ZFP64: variants seen among roughly 807,000 people sequenced by gnomAD.
The protein encoded by ZFP64 is ZFP64 zinc finger protein, also known as zinc finger protein 64.
In ZFP64, 14 loss-of-function variants were observed where a neutral mutation model predicts 51.6. The observed-to-expected ratio is 0.27, with a 90% confidence interval of 0.18 to 0.42. ZFP64 has a LOEUF of 0.42. Ranked by LOEUF, ZFP64 falls within the 10% of genes least tolerant of loss-of-function variation. The probability of loss-of-function intolerance (pLI) is 1.00; values close to 1 mark genes in which losing one functional copy is unlikely to be tolerated. For synonymous variants in ZFP64, 375 were observed against 361.4 expected, an observed-to-expected ratio of 1.04 and a Z score of -0.43; for missense variants, 754 against 906.8, an observed-to-expected ratio of 0.83 and a Z score of 2.16.
At chr20:52,123,752 CT>C (rs1979308664) in intron 5 of ZFP64, among the ~76,000 whole-genome samples, 1 of 151,720 alleles carries the variant, frequency 6.6e-6, no homozygotes, top group African/African-American at 2.4e-5. Context: ...TTCAAAGTTG[CT>C]TTAAGAATGA....
chr20:52,091,300 C>T (rs2078924185), intron 7 of ZFP64, among the ~76,000 whole-genome samples: 1 of 152,068 alleles, frequency 6.6e-6, no homozygotes, highest in Non-Finnish European at 1.5e-5. Flanking sequence ...AAGGTTGAGA[C>T]CAGCCTGGGC....
Position 52,085,384 on chromosome 20 carries a change from C to G in ZFP64, c.1229-118G>C. 1 of 1,071,796 alleles carries G rather than the reference C, an allele frequency of 9.3e-7. No homozygotes were observed. The highest frequency in any genetic ancestry group is 1.3e-6 in the Non-Finnish European group (1 of 756,780). The allele number at this position is 1,071,796 out of a possible 1,614,324, so 66.4% of individuals were successfully genotyped here. A position where few individuals can be genotyped will look rare whatever the true frequency, so the allele number is the denominator to read the frequency against. On this transcript the variant is annotated intron_variant, in intron 8 of 8. Transcript: ENST00000361387. The surrounding 1 kb of genome is among the most constrained non-coding windows in gnomAD (Gnocchi z 4.3). ...GGTTGGGTTTTGTGAACTCTAAACC[C>G]AACCTCCTAATGACAACACTTGTTG...
intron 5 of ZFP64, among the ~76,000 whole-genome samples, chr20:52,156,243 C>G (rs6013401): frequency 1.3e-5 from 2 of 152,132 alleles, no homozygotes; most frequent in African/African-American, 4.8e-5. Flanking sequence ...TCCTTTAGCA[C>G]GGCCTCTGCC....
intron 2 of ZFP64, among the ~76,000 whole-genome samples, chr20:52,167,953 T>C (rs1982419004): frequency 6.6e-6 from 1 of 152,226 alleles, no homozygotes; most frequent in South Asian, 2.1e-4. Context: ...GATTGTAAAA[T>C]GTGTCATAAT....
At chr20:52,088,521 C>G in exon 8 of ZFP64, 1 of 1,614,188 alleles carries the variant, frequency 6.2e-7, no homozygotes, top group Non-Finnish European at 8.5e-7. Flanking sequence ...CTGTCCACGG[C>G]AGCGTAGTCA....
Position 52,187,011 on chromosome 20 carries a change from C to A in ZFP64, c.107G>T (p.Cys36Phe). ...LTPDIHICGI[C>F]KQQFNNLDAF... ...ATCCAGGTTGTTAAACTGCTGCTTG[C>A]AGATGCCGCAGATATGGATGTCGGG... The change falls in exon 2 of 6, where the codon TGC (cysteine) becomes TTC (phenylalanine). Residue 36 changes from cysteine (C) to phenylalanine (F), a missense_variant. Coordinates refer to ENST00000216923, the MANE Select transcript of ZFP64 (RefSeq NM_018197.3). 6.2e-7 allele frequency: 1 copy of A among 1,613,698 alleles called. No individual in the cohort carries two copies. The highest frequency in any genetic ancestry group is 8.5e-7 in the Non-Finnish European group (1 of 1,179,620).
At chr20:52,115,801 CTCTG>C (rs1156824183) in intron 5 of ZFP64, among the ~76,000 whole-genome samples, 67 of 141,380 alleles carry the variant, frequency 4.7e-4, no homozygotes, top group Non-Finnish European at 6.3e-4. Flanking sequence ...CTCTCTCTCT[CTCTG>C]TGTGTGTGAA....
exon 8 of ZFP64, chr20:52,088,513 G>A: frequency 6.2e-7 from 1 of 1,614,182 alleles, no homozygotes. Flanking sequence ...GGCTACTGCT[G>A]TCCACGGCAG....
intron 5 of ZFP64, among the ~76,000 whole-genome samples, chr20:52,140,230 C>G (rs1341880820): frequency 6.6e-6 from 1 of 152,198 alleles, no homozygotes; most frequent in African/African-American, 2.4e-5. Context: ...CTACAATGGC[C>G]TCTAAGTGTT....
intron 7 of ZFP64, chr20:52,088,950 A>G (rs1271912191): frequency 1.8e-6 from 1 of 563,546 alleles, no homozygotes; most frequent in Non-Finnish European, 3.5e-6. Flanking sequence ...TGGCAGCTGT[A>G]GGGATCTTGG....
chr20:52,170,614 T>C (rs530293153), intron 2 of ZFP64, among the ~76,000 whole-genome samples: 1 of 152,354 alleles, frequency 6.6e-6, no homozygotes, highest in East Asian at 1.9e-4. Flanking sequence ...TCTTACCTCC[T>C]TGGTCCTCAG....
Position 52,144,024 on chromosome 20 carries a change from C to T in ZFP64, c.763+16099G>A, listed in dbSNP as rs184362983. ...ATTCCTGATTGCCTATGTAATCATG[C>T]ATTTGTTAATCCTCCTTTGAGCCTG... On this transcript the variant is annotated intron_variant, in intron 5 of 8. Coordinates refer to the ZFP64 transcript ENST00000361387. Among the ~76,000 whole-genome samples the T allele has an allele frequency of 2.0e-3, 289 of 143,260 alleles. 25 individuals carry two copies. The highest frequency in any genetic ancestry group is 6.7e-3 in the African/African-American group (268 of 40,142). The allele number at this position is 143,260 out of a possible 152,430, so 94.0% of individuals were successfully genotyped here.
chr20:52,097,183 C>T, intron 7 of ZFP64: 1 of 806,728 alleles, frequency 1.2e-6, no homozygotes, highest in Non-Finnish European at 2.3e-6. Flanking sequence ...CTCTGTGTAG[C>T]TCATCCTGGG....
chr20:52,120,052 C>G (rs956796307), intron 5 of ZFP64, among the ~76,000 whole-genome samples: 1 of 152,094 alleles, frequency 6.6e-6, no homozygotes, highest in South Asian at 2.1e-4. Flanking sequence ...GGAGCTGGAA[C>G]TCTCCTGGAA....
chr20:52,138,910 A>G (rs972556704), intron 5 of ZFP64, among the ~76,000 whole-genome samples: 1 of 152,236 alleles, frequency 6.6e-6, no homozygotes, highest in African/African-American at 2.4e-5. Flanking sequence ...AAGACATACA[A>G]GCAGCCAACA....
intron 7 of ZFP64, chr20:52,097,172 GCT>G (rs947676347): frequency 4.1e-5 from 33 of 796,254 alleles, no homozygotes; most frequent in Middle Eastern, 2.2e-4. Context: ...ATAGCCACAG[GCT>G]CTGTGTAGCT....
intron 4 of ZFP64, among the ~76,000 whole-genome samples, chr20:52,163,116 T>A (rs999245427): frequency 2.6e-5 from 4 of 152,208 alleles, no homozygotes; most frequent in Admixed American, 2.0e-4. Flanking sequence ...ATCCCAGCAC[T>A]TTGGGAGGCC....
At chr20:52,126,444 C>G (rs966577436) in intron 5 of ZFP64, among the ~76,000 whole-genome samples, 1 of 152,126 alleles carries the variant, frequency 6.6e-6, no homozygotes, top group Admixed American at 6.6e-5. Flanking sequence ...AAAACTACAA[C>G]TCAGGCTTAA....
intron 5 of ZFP64, among the ~76,000 whole-genome samples, chr20:52,159,588 C>T (rs1439660388): frequency 1.3e-5 from 2 of 152,224 alleles, no homozygotes; most frequent in African/African-American, 2.4e-5. Flanking sequence ...CGGTGGCTCA[C>T]GCCTGTAATC....
Sources: gnomAD v4.1 joint callset for allele counts (sites outside exome capture counted in the v4.1 genomes callset) on GRCh38, gnomAD v4.1.1 for gene constraint, Gnocchi (gnomAD v3.1) non-coding constraint, MANE v1.5 for transcripts, NCBI Gene and HGNC (gene_info 2026-07-23, HGNC 2026-07-21) for gene names.